The following NTNG1 variants were observed in gnomAD, a reference collection of about 807,000 sequenced individuals.
NTNG1 encodes the protein netrin-G1.
A neutral mutation model predicts 54.0 loss-of-function variants in NTNG1; 16 were observed. The ratio of observed to expected loss-of-function variants is 0.30; its 90% confidence interval spans 0.20 to 0.45. The LOEUF (loss-of-function observed/expected upper bound fraction) is 0.45, where lower values mean the gene tolerates loss of function less well. Among genes scored for constraint, NTNG1 ranks in the 20% least tolerant of loss-of-function variants. The pLI is 1.00. For missense variants in NTNG1, 530 were observed against 678.7 expected (o/e 0.78, Z 2.43); for synonymous variants, 255 against 263.1 (o/e 0.97, Z 0.30).
chr1:107,430,950 G>A, intron 6 of NTNG1, 33 bp downstream of exon 6: 1 of 1,603,256 alleles, frequency 6.2e-7, no homozygotes, highest in Non-Finnish European at 8.5e-7. Context: ...CTATTCTTCT[G>A]TGCCTTTTGA....
chr1:107,423,310 A>G (rs1674688269), intron 5 of NTNG1, among the ~76,000 whole-genome samples: 1 of 152,010 alleles, frequency 6.6e-6, no homozygotes, highest in African/African-American at 2.4e-5. Context: ...CAATGTCTGG[A>G]GAAATTTTTG....
Position 107,436,687 on chromosome 1 carries a change from C to T in NTNG1, c.1278C>T (p.Gly426=). 1.9e-6 allele frequency: 3 copies of T among 1,613,476 alleles called. No individual in the cohort carries two copies. Among genetic ancestry groups the T allele is most frequent in the Middle Eastern group, 1.7e-4 (1 of 6,056 alleles). The change falls in exon 7 of 8, where the codon GGC becomes GGT. Residue 426 remains glycine, a synonymous_variant. Transcript: ENST00000370068. Reference sequence around the variant, plus strand: ...CAGAGTGTTATTGTAACCCTTTGGGCTCAATCCATGATCGTTGTAATGGCT... The same window carrying T: ...CAGAGTGTTATTGTAACCCTTTGGGTTCAATCCATGATCGTTGTAATGGCT... ...VCIECYCNPL[G]SIHDRCNGSG...
intron 2 of NTNG1, among the ~76,000 whole-genome samples, chr1:107,209,135 A>G (rs80075013): frequency 2.1e-3 from 311 of 151,656 alleles, no homozygotes; most frequent in African/African-American, 6.8e-3. Context: ...TACCTCGTTT[A>G]ACTGCAAATA....
At chr1:107,316,719 C>T (rs2101853957) in intron 2 of NTNG1, among the ~76,000 whole-genome samples, 1 of 152,286 alleles carries the variant, frequency 6.6e-6, no homozygotes, top group East Asian at 1.9e-4. Flanking sequence ...ACACCTAATC[C>T]TCTCTTTAGG....
At chr1:107,177,932 C>A (rs1656770846) in intron 2 of NTNG1, among the ~76,000 whole-genome samples, 2 of 152,116 alleles carry the variant, frequency 1.3e-5, no homozygotes, top group African/African-American at 4.8e-5. Context: ...ACTAGAGACC[C>A]AATTGATTGT....
At chr1:107,285,402 T>G (rs1665130152) in intron 2 of NTNG1, among the ~76,000 whole-genome samples, 1 of 152,140 alleles carries the variant, frequency 6.6e-6, no homozygotes, top group East Asian at 1.9e-4. Flanking sequence ...GAAATTAGGT[T>G]CCACTTCTGA....
chr1:107,239,604 A>G (rs1258796075), intron 2 of NTNG1, among the ~76,000 whole-genome samples: 2 of 152,220 alleles, frequency 1.3e-5, no homozygotes, highest in Non-Finnish European at 2.9e-5. Flanking sequence ...CAAAATCCAA[A>G]CATTGAGAGC....
At chr1:107,213,424 T>C (rs1389429064) in intron 2 of NTNG1, among the ~76,000 whole-genome samples, 15 of 151,756 alleles carry the variant, frequency 9.9e-5, no homozygotes, top group Admixed American at 9.9e-4. Context: ...CAGATGGGAG[T>C]AGACAAGAGG....
rs41278450 is a variant in NTNG1 at position 107,482,695 on chromosome 1, G to C, written c.*1855G>C. 5 of 152,318 alleles carry C rather than the reference G, an allele frequency of 3.3e-5. No homozygotes were observed. The highest frequency in any genetic ancestry group is 6.5e-5 in the Admixed American group (1 of 15,296). The allele number at this position is 152,318 out of a possible 1,614,324, so 9.4% of individuals were successfully genotyped here. A position where few individuals can be genotyped will look rare whatever the true frequency, so the allele number is the denominator to read the frequency against. ...GTGTAAGGTCAGAAACCTAGTTCCA[G>C]TCTGAATTCTTCACCCTGCTGCCAC... is the stretch of plus-strand genomic sequence containing the variant. On this transcript the variant is annotated 3_prime_UTR_variant, in exon 8 of 8. Transcript: ENST00000370068.
At chr1:107,337,155 G>T (rs951146057) in intron 3 of NTNG1, among the ~76,000 whole-genome samples, 1 of 151,970 alleles carries the variant, frequency 6.6e-6, no homozygotes, top group Non-Finnish European at 1.5e-5. Flanking sequence ...ACAGATATTT[G>T]TACATCCTGT....
intron 2 of NTNG1, among the ~76,000 whole-genome samples, chr1:107,152,110 C>T (rs890149576): frequency 1.3e-5 from 2 of 151,464 alleles, no homozygotes; most frequent in African/African-American, 2.4e-5. Flanking sequence ...ATATAAATTG[C>T]ATATATTGAA....
At chr1:107,171,897 T>G (rs74225251) in intron 2 of NTNG1, among the ~76,000 whole-genome samples, 98 of 8,404 alleles carry the variant, frequency 0.012, 1 homozygote, top group African/African-American at 0.019. Flanking sequence ...TTTTTTCCCC[T>G]TTTTTTTTGT....
chr1:107,395,543 G>T, intron 4 of NTNG1: 2 of 725,150 alleles, frequency 2.8e-6, no homozygotes, highest in Admixed American at 1.7e-5. Context: ...CATCAAATGT[G>T]TTGGGAAATG....
chr1:107,173,303 AC>A (rs1169535044), intron 2 of NTNG1, among the ~76,000 whole-genome samples: 11 of 152,144 alleles, frequency 7.2e-5, no homozygotes, highest in African/African-American at 2.6e-4. Context: ...AAATTTCTAA[AC>A]CTTAGTCTAG....
chr1:107,338,722 A>G (rs890374063), intron 3 of NTNG1, among the ~76,000 whole-genome samples: 1 of 151,940 alleles, frequency 6.6e-6, no homozygotes, highest in African/African-American at 2.4e-5. Context: ...AACAACTACA[A>G]ACTCTGAACT....
At chr1:107,143,840 G>T (rs1297962687) in intron 1 of NTNG1, among the ~76,000 whole-genome samples, 1 of 151,958 alleles carries the variant, frequency 6.6e-6, no homozygotes, top group African/African-American at 2.4e-5. Flanking sequence ...ATAGTTTTGG[G>T]TATTATCCCA....
chr1:107,385,412 CTG>C (rs1025302050), intron 3 of NTNG1, among the ~76,000 whole-genome samples: 4 of 152,224 alleles, frequency 2.6e-5, no homozygotes, highest in Admixed American at 6.5e-5. Flanking sequence ...TGGCTCCACA[CTG>C]TGTTCTTATT....
intron 3 of NTNG1, among the ~76,000 whole-genome samples, chr1:107,379,837 T>A (rs949017590): frequency 5.3e-5 from 8 of 152,296 alleles, no homozygotes; most frequent in African/African-American, 1.9e-4. Context: ...GCAAGTGGAA[T>A]TCAAATTGGA....
chr1:107,157,584 G>A (rs191743374), intron 2 of NTNG1, among the ~76,000 whole-genome samples: 1 of 152,060 alleles, frequency 6.6e-6, no homozygotes, highest in Admixed American at 6.6e-5. Context: ...CCCACCATCT[G>A]TTTTCCTAAG....
Sources: gnomAD v4.1 joint callset for allele counts (sites outside exome capture counted in the v4.1 genomes callset) on GRCh38, gnomAD v4.1.1 for gene constraint, MANE v1.5 for transcripts, NCBI Gene and HGNC (gene_info 2026-07-23, HGNC 2026-07-21) for gene names.